Variants in MSRB3 observed in about 807,000 individuals in gnomAD.
The protein encoded by MSRB3 is methionine-R-sulfoxide reductase B3.
Under a neutral mutation model 21.0 loss-of-function variants are expected in MSRB3, and 13 were observed. That is an observed-to-expected ratio of 0.62 (90% confidence interval 0.40 to 0.98). The LOEUF (loss-of-function observed/expected upper bound fraction) is 0.98. Ranked by LOEUF, MSRB3 falls within the 50% of genes least tolerant of loss-of-function variation. The probability of loss-of-function intolerance (pLI) is 0.00; values close to 1 mark genes in which losing one functional copy is unlikely to be tolerated. For synonymous variants in MSRB3, 87 were observed against 88.6 expected, an observed-to-expected ratio of 0.98 and a Z score of 0.10; for missense variants, 199 against 230.3, an observed-to-expected ratio of 0.86 and a Z score of 0.88.
chr12:65,298,124 G>A (rs1410775398), intron 1 of MSRB3, among the ~76,000 whole-genome samples: 3 of 151,904 alleles, frequency 2.0e-5, no homozygotes, highest in Non-Finnish European at 2.9e-5. Flanking sequence ...CCGCCTCAGC[G>A]TTCCGAGTAG....
chr12:65,461,923 C>A (rs920868493), intron 6 of MSRB3, among the ~76,000 whole-genome samples: 1 of 152,136 alleles, frequency 6.6e-6, no homozygotes, highest in African/African-American at 2.4e-5. Context: ...TCTGACCACC[C>A]TATCTAACAT....
At chr12:65,314,925 A>C (rs1255880373) in intron 2 of MSRB3, among the ~76,000 whole-genome samples, 4 of 152,196 alleles carry the variant, frequency 2.6e-5, no homozygotes, top group African/African-American at 9.6e-5. Flanking sequence ...TTATCTAAAC[A>C]TATTCACAAT....
chr12:65,380,207 T>A (rs77865779), intron 5 of MSRB3, among the ~76,000 whole-genome samples: 2,731 of 152,190 alleles, frequency 0.018, 90 homozygotes, highest in African/African-American at 0.063. Context: ...AGAGGGCCCC[T>A]TAAGGTCAGG....
At chr12:65,391,771 A>G (rs749916711) in intron 5 of MSRB3, among the ~76,000 whole-genome samples, 24 of 152,232 alleles carry the variant, frequency 1.6e-4, no homozygotes, top group Non-Finnish European at 3.4e-4. Flanking sequence ...TTAAAGAAGA[A>G]GCCAGAGTGC....
chr12:65,435,693 G>C lies in MSRB3; in HGVS notation c.293-18035G>C, dbSNP rs142094278. Reference sequence around the variant, plus strand: ...GATAACATTTTGTGGAGATTTCTAGGAAAGATTTGATAGACTTGGAGGCAA... The same window carrying C: ...GATAACATTTTGTGGAGATTTCTAGCAAAGATTTGATAGACTTGGAGGCAA... On this transcript the variant is annotated intron_variant, in intron 5 of 6. Coordinates refer to ENST00000308259, the MANE Select transcript of MSRB3 (RefSeq NM_001031679.3). 3.3e-3 allele frequency among the ~76,000 whole-genome samples: 504 copies of C among 151,926 alleles called. 5 individuals carry two copies. The highest frequency in any genetic ancestry group is 0.011 in the African/African-American group (468 of 41,502).
At chr12:65,297,198 AACAC>A (rs1429361500) in intron 1 of MSRB3, among the ~76,000 whole-genome samples, 2 of 152,084 alleles carry the variant, frequency 1.3e-5, no homozygotes, top group Non-Finnish European at 2.9e-5. Context: ...GGAGGGAGGC[AACAC>A]ACAATGGGGC....
intron 2 of MSRB3, among the ~76,000 whole-genome samples, chr12:65,309,539 G>A (rs1873858944): frequency 6.6e-6 from 1 of 152,060 alleles, no homozygotes; most frequent in South Asian, 2.1e-4. Context: ...AACTGTGTGA[G>A]GACCATTAAA....
intron 2 of MSRB3, among the ~76,000 whole-genome samples, chr12:65,315,422 C>A (rs183560226): frequency 2.2e-4 from 33 of 152,054 alleles, no homozygotes; most frequent in African/African-American, 7.0e-4. Flanking sequence ...GTAATCCAGG[C>A]ACTTTGAGAG....
chr12:65,290,305 G>C (rs113175344), intron 1 of MSRB3, among the ~76,000 whole-genome samples: 1 of 152,156 alleles, frequency 6.6e-6, no homozygotes, highest in Non-Finnish European at 1.5e-5. Context: ...TCAGTAATTT[G>C]TATGACTGTG....
At chr12:65,451,115 A>T (rs2136698104) in intron 5 of MSRB3, among the ~76,000 whole-genome samples, 1 of 152,334 alleles carries the variant, frequency 6.6e-6, no homozygotes, top group Non-Finnish European at 1.5e-5. Context: ...ACAGTGAGTT[A>T]CAGTCTCCAG....
intron 5 of MSRB3, among the ~76,000 whole-genome samples, chr12:65,431,803 A>G (rs1396285294): frequency 6.6e-6 from 1 of 152,110 alleles, no homozygotes; most frequent in Admixed American, 6.6e-5. Context: ...GTGTGTTTTA[A>G]AAGATAATGC....
chr12:65,394,269 T>C (rs1416828725), intron 5 of MSRB3, among the ~76,000 whole-genome samples: 1 of 152,216 alleles, frequency 6.6e-6, no homozygotes, highest in African/African-American at 2.4e-5. Context: ...ATAATTGTTT[T>C]ACTTACGTAA....
intron 4 of MSRB3, among the ~76,000 whole-genome samples, chr12:65,336,560 TC>T (rs1875776101): frequency 6.6e-6 from 1 of 152,238 alleles, no homozygotes; most frequent in South Asian, 2.1e-4. Context: ...ATTACATTTT[TC>T]ACAGTGAATT....
At chr12:65,364,882 A>G (rs1272691427) in intron 4 of MSRB3, among the ~76,000 whole-genome samples, 2 of 152,210 alleles carry the variant, frequency 1.3e-5, no homozygotes, top group East Asian at 1.9e-4. Flanking sequence ...TTAATTATCA[A>G]TAGAGTAGCT....
At chr12:65,360,420 T>G (rs879847799) in intron 4 of MSRB3, among the ~76,000 whole-genome samples, 1 of 152,030 alleles carries the variant, frequency 6.6e-6, no homozygotes, top group Non-Finnish European at 1.5e-5. Context: ...GAAACATAAA[T>G]CACATAGACA....
intron 5 of MSRB3, among the ~76,000 whole-genome samples, chr12:65,443,156 G>T (rs969253767): frequency 3.3e-5 from 5 of 152,096 alleles, no homozygotes; most frequent in Admixed American, 2.6e-4. Context: ...ATTTAAAAAT[G>T]TTGTGCAGGG....
At chr12:65,318,268 G>C (rs1239662346) in intron 2 of MSRB3, among the ~76,000 whole-genome samples, 1 of 152,032 alleles carries the variant, frequency 6.6e-6, no homozygotes, top group Admixed American at 6.6e-5. Context: ...CTGAGTTTTT[G>C]ACAATATATA....
Position 65,455,697 on chromosome 12 carries a change from C to G in MSRB3, c.390+1872C>G, listed in dbSNP as rs574341209. On this transcript the variant is annotated intron_variant, in intron 6 of 6. Coordinates refer to ENST00000308259, the MANE Select transcript of MSRB3 (RefSeq NM_001031679.3). ...AAAAGAGTCATTAAAATTTAAAAATCTCATGATTTTCCAGCAGTTGGCTTA... is the reference window on the plus strand; with the variant it reads ...AAAAGAGTCATTAAAATTTAAAAATGTCATGATTTTCCAGCAGTTGGCTTA... Among the ~76,000 whole-genome samples, 3 of 152,182 alleles carry G rather than the reference C, an allele frequency of 2.0e-5. No homozygotes were observed. In the East Asian group the frequency reaches 5.8e-4, roughly 29 times the overall value.
Position 65,382,565 on chromosome 12 carries a change from A to T in MSRB3, c.292+13539A>T, listed in dbSNP as rs1592585057. ...TTGTTTGATATCACTTTTTATCTAC[A>T]TATTTGCTTTTTCAATTATACTACT... On this transcript the variant is annotated intron_variant, in intron 5 of 6. Transcript: ENST00000308259. Among the ~76,000 whole-genome samples the T allele has an allele frequency of 2.0e-5, 3 of 151,696 alleles. No individual in the cohort carries two copies. In the South Asian group the frequency reaches 6.2e-4, roughly 31 times the overall value.
Sources: gnomAD v4.1 joint callset for allele counts (sites outside exome capture counted in the v4.1 genomes callset) on GRCh38, gnomAD v4.1.1 for gene constraint, MANE v1.5 for transcripts, NCBI Gene and HGNC (gene_info 2026-07-23, HGNC 2026-07-21) for gene names.